ZGPAT: variants seen among roughly 807,000 people sequenced by gnomAD.
ZGPAT encodes zinc finger CCCH-type with G patch domain-containing protein.
In ZGPAT, 39 loss-of-function variants were observed where a neutral mutation model predicts 47.9. That is an observed-to-expected ratio of 0.81 (90% CI 0.63 to 1.06). ZGPAT has a LOEUF of 1.06. Ranked by LOEUF, ZGPAT falls within the 50% of genes least tolerant of loss-of-function variation. ZGPAT has a pLI of 0.00. For synonymous variants in ZGPAT, 348 were observed against 292.9 expected (o/e 1.19, Z -1.92); for missense variants, 717 against 681.4 (o/e 1.05, Z -0.58).
intron 2 of ZGPAT, among the ~76,000 whole-genome samples, chr20:63,731,345 C>T (rs970430714): frequency 6.7e-5 from 1 of 15,032 alleles, no homozygotes; most frequent in African/African-American, 6.7e-4. Flanking sequence ...ACAGTTGGCC[C>T]TTGTGTGTGT....
At chr20:63,725,095 C>T (rs1442909155) in intron 2 of ZGPAT, among the ~76,000 whole-genome samples, 1 of 151,966 alleles carries the variant, frequency 6.6e-6, no homozygotes, top group Non-Finnish European at 1.5e-5. Flanking sequence ...CGCCATTCTC[C>T]TGCCTCAGCC....
At chr20:63,724,068 A>G (rs1324244899) in intron 2 of ZGPAT, among the ~76,000 whole-genome samples, 1 of 152,054 alleles carries the variant, frequency 6.6e-6, no homozygotes, top group Non-Finnish European at 1.5e-5. Flanking sequence ...TGCAGATCTT[A>G]TCTCAGAAGT....
chr20:63,710,458 T>C (rs1289627660), intron 2 of ZGPAT, among the ~76,000 whole-genome samples: 1 of 152,220 alleles, frequency 6.6e-6, no homozygotes, highest in Non-Finnish European at 1.5e-5. Flanking sequence ...GGCCCTGTTG[T>C]TAGTTTTATT....
At position 63,711,438 on chromosome 20, in the gene ZGPAT, C is replaced by T. The variant is rs191296663; in HGVS notation, c.584+2274C>T. Among the ~76,000 whole-genome samples, 9 of 152,290 alleles carry T rather than the reference C, an allele frequency of 5.9e-5. No individual in the cohort carries two copies. In the East Asian group the frequency reaches 1.7e-3, roughly 29 times the overall value. On this transcript the variant is annotated intron_variant, in intron 2 of 6. Transcript: ENST00000355969. ...CTGAGTGGTCCAGGGCTTCAAGGCTCAGAGGGCTCCGGTTGCCCCCAGCCC... is the reference window on the plus strand; with the variant it reads ...CTGAGTGGTCCAGGGCTTCAAGGCTTAGAGGGCTCCGGTTGCCCCCAGCCC...
At position 63,735,473 on chromosome 20, in the gene ZGPAT, A is replaced by G. The variant is rs750029707; in HGVS notation, c.1306A>G (p.Ser436Gly). The G allele has an allele frequency of 6.4e-7, 1 of 1,556,006 alleles. No individual in the cohort carries two copies. The highest frequency in any genetic ancestry group is 1.2e-5 in the South Asian group (1 of 81,180). Residue 436 changes from serine to glycine, a missense_variant, in exon 6 of 7, where the codon AGC becomes GGC. Transcript: ENST00000355969. ...HASKSAKRALSLRLFQTEEKI... is the reference protein window; with the variant it reads ...HASKSAKRALGLRLFQTEEKI... Reference sequence around the variant, plus strand: ...CAGCAAGAGTGCCAAGCGGGCCCTGAGCCTGCGGCTCTTCCAGACTGAGGA... The same window carrying G: ...CAGCAAGAGTGCCAAGCGGGCCCTGGGCCTGCGGCTCTTCCAGACTGAGGA...
In ZGPAT at chr20:63,735,831, G is replaced by A. The variant is rs144585689; in HGVS notation, c.1448G>A (p.Arg483His). ...QLQEKLAGAQ[R>H]QLGQLRAQEA... ...CAGGAGAAGCTGGCAGGAGCCCAGC[G>A]CCAGCTGGGGCAGCTCCGGGCTCAG... Residue 483 changes from arginine to histidine, a missense_variant, in exon 7 of 7, where the codon CGC (arginine) becomes CAC (histidine). Physicochemically the swap from Arg to His is conservative, Grantham distance 29. Coordinates refer to ENST00000355969, the MANE Select transcript of ZGPAT (RefSeq NM_181485.3). 9.9e-6 allele frequency: 16 copies of A among 1,612,098 alleles called. No homozygotes were observed. The highest frequency in any genetic ancestry group is 1.6e-4 in the Middle Eastern group (1 of 6,080).
chr20:63,724,984 CTTTT>C (rs35291396), intron 2 of ZGPAT, among the ~76,000 whole-genome samples: 1 of 125,882 alleles, frequency 7.9e-6, no homozygotes, highest in African/African-American at 3.0e-5. Flanking sequence ...TTTAGAATTT[CTTTT>C]TTTTTTTTTT....
intron 2 of ZGPAT, among the ~76,000 whole-genome samples, chr20:63,732,456 C>T (rs1469249654): frequency 1.6e-5 from 1 of 60,882 alleles, no homozygotes; most frequent in Non-Finnish European, 3.3e-5. Flanking sequence ...GGTAAGGGTG[C>T]TTGTGTGCGC....
intron 2 of ZGPAT, among the ~76,000 whole-genome samples, chr20:63,731,460 G>A (rs1187608306): frequency 1.9e-5 from 2 of 106,954 alleles, no homozygotes; most frequent in Non-Finnish European, 4.6e-5. Context: ...GGTCCTTGGT[G>A]TGTATGTGTG....
intron 2 of ZGPAT, among the ~76,000 whole-genome samples, 170 bp from the exon 3 acceptor site, chr20:63,733,035 CATGTGTGTGTGTAT>C (rs2091937588): frequency 6.7e-6 from 1 of 150,164 alleles, no homozygotes; most frequent in African/African-American, 2.5e-5. Flanking sequence ...TGAGTGTGTG[CATGTGTGTGTGTAT>C]GTGTGCGTGT....
rs969928229 is a variant in ZGPAT at position 63,734,810 on chromosome 20, A to T, written c.977A>T (p.Tyr326Phe). The T allele has an allele frequency of 6.2e-7, 1 of 1,600,836 alleles. No individual in the cohort carries two copies. Residue 326 changes from tyrosine to phenylalanine, a missense_variant, in exon 5 of 7, where the codon TAT (tyrosine) becomes TTT (phenylalanine). Transcript: ENST00000355969. Reference sequence around the variant, plus strand: ...TCCAGACTCCTCACCAAGATGGGCTATGAGTTTGGCAAGGGTGAGTACAAG... The same window carrying T: ...TCCAGACTCCTCACCAAGATGGGCTTTGAGTTTGGCAAGGGTGAGTACAAG... ...IGSRLLTKMGYEFGKGLGRHA... is the reference protein window; with the variant it reads ...IGSRLLTKMGFEFGKGLGRHA...
Position 63,735,274 on chromosome 20 carries a change from G to A in ZGPAT, c.1107G>A (p.Lys369=), listed in dbSNP as rs1359761802. 2.5e-6 allele frequency: 4 copies of A among 1,606,940 alleles called. No individual in the cohort carries two copies. The highest frequency in any genetic ancestry group is 2.7e-5 in the African/African-American group (2 of 74,850). ...TGCAGAAGCAGACCAGGGTTGGCAA[G>A]GCTGGCACCAACAAGCCCCCCAGGT... is the stretch of plus-strand genomic sequence containing the variant. ...ETLQKQTRVG[K]AGTNKPPRCR... is the part of the protein sequence containing the mutation. Residue 369 remains lysine (K), a synonymous_variant, in exon 6 of 7, where the codon AAG becomes AAA. Transcript: ENST00000355969.
chr20:63,727,457 GTT>G (rs2091856771), intron 2 of ZGPAT, among the ~76,000 whole-genome samples: 1 of 151,772 alleles, frequency 6.6e-6, no homozygotes, highest in Non-Finnish European at 1.5e-5. Flanking sequence ...GGTCAGGCTG[GTT>G]TTGAACGTTT....
At chr20:63,732,423 A>AGGGCCTGTGTGTGCGTGTGTGTGGGT (rs1568799664) in intron 2 of ZGPAT, among the ~76,000 whole-genome samples, 22 of 94,160 alleles carry the variant, frequency 2.3e-4, no homozygotes, top group East Asian at 6.3e-4. Context: ...TGTGTGGGTG[A>AGGGCCTGTGTGTGCGTGTGTGTGGGT]GAGATGTGTG....
intron 2 of ZGPAT, among the ~76,000 whole-genome samples, chr20:63,716,742 G>T (rs1025471803): frequency 6.6e-6 from 1 of 152,040 alleles, no homozygotes; most frequent in Admixed American, 6.6e-5. Flanking sequence ...GAGTGCAGTG[G>T]TGCAATCTCA....
intron 2 of ZGPAT, among the ~76,000 whole-genome samples, chr20:63,711,950 C>T (rs1253885638): frequency 1.3e-5 from 2 of 152,120 alleles, no homozygotes; most frequent in Admixed American, 6.6e-5. Flanking sequence ...ATATTTGCTC[C>T]CATTGTTTGG....
chr20:63,720,232 T>C (rs2091773595), intron 2 of ZGPAT, among the ~76,000 whole-genome samples: 1 of 152,080 alleles, frequency 6.6e-6, no homozygotes, highest in South Asian at 2.1e-4. Flanking sequence ...CTTGGCTCAC[T>C]GCAACCTCTG....
chr20:63,730,624 A>G (rs2091887738), intron 2 of ZGPAT, among the ~76,000 whole-genome samples: 1 of 152,108 alleles, frequency 6.6e-6, no homozygotes, highest in Admixed American at 6.6e-5. Flanking sequence ...AGGTGGGACT[A>G]TAGGCACGCG....
At chr20:63,712,316 T>C (rs1161991734) in intron 2 of ZGPAT, among the ~76,000 whole-genome samples, 1 of 152,230 alleles carries the variant, frequency 6.6e-6, no homozygotes, top group Non-Finnish European at 1.5e-5. Flanking sequence ...TGGCAATATA[T>C]GTAAGGGTTT....
Sources: allele counts gnomAD v4.1 joint callset (sites outside exome capture counted in the v4.1 genomes callset), GRCh38; gene constraint gnomAD v4.1.1; transcripts MANE v1.5; gene names NCBI Gene and HGNC (gene_info 2026-07-23, HGNC 2026-07-21).